Variants in VWDE observed in about 807,000 individuals in gnomAD.
The protein encoded by VWDE is von Willebrand factor D and EGF domains, also known as von Willebrand factor D and EGF domain-containing protein.
In VWDE, 207 loss-of-function variants were observed where a neutral mutation model predicts 178.4. That is an observed-to-expected ratio of 1.16 (90% confidence interval 1.04 to 1.30). VWDE has a LOEUF of 1.30. Among genes scored for constraint, VWDE ranks in the 50% most tolerant of loss-of-function variants. The probability of loss-of-function intolerance (pLI) is 0.00; values close to 1 mark genes in which losing one functional copy is unlikely to be tolerated. For synonymous variants in VWDE, 738 were observed against 651.4 expected (o/e 1.13, Z -2.02); for missense variants, 2,287 against 1,901.3 (o/e 1.20, Z -3.77).
chr7:12,395,971 C>A (rs1291593751), intron 1 of VWDE, among the ~76,000 whole-genome samples: 6 of 151,286 alleles, frequency 4.0e-5, no homozygotes, highest in Non-Finnish European at 5.9e-5. Flanking sequence ...GACAATATAA[C>A]TTTTCCCCTC....
intron 2 of VWDE, among the ~76,000 whole-genome samples, chr7:12,393,301 G>A (rs1235251676): frequency 6.6e-6 from 1 of 152,134 alleles, no homozygotes; most frequent in Non-Finnish European, 1.5e-5. Context: ...CTATGCCTAA[G>A]AATATATGTT....
chr7:12,403,656 TA>T lies in VWDE; in HGVS notation c.58+2del. 6.5e-7 allele frequency: 1 copy of T among 1,543,042 alleles called. No homozygotes were observed. On this transcript the variant is annotated splice_donor_variant, in intron 1 of 28. Coordinates refer to ENST00000275358, the MANE Select transcript of VWDE (RefSeq NM_001135924.3). LOFTEE classifies it high-confidence loss of function. ...CCACCCCCGCGCGCCCTACCTCGCT[TA>T]CCTTCCCCCCAGGCCAGGAACATCA...
At chr7:12,391,560 G>T (rs537817252) in intron 2 of VWDE, among the ~76,000 whole-genome samples, 2 of 152,172 alleles carry the variant, frequency 1.3e-5, no homozygotes, top group Non-Finnish European at 2.9e-5. Flanking sequence ...TTTAAATGTG[G>T]TGAAGTTCCT....
chr7:12,339,620 G>A (rs1175878427), intron 24 of VWDE, among the ~76,000 whole-genome samples: 3 of 152,006 alleles, frequency 2.0e-5, no homozygotes, highest in Non-Finnish European at 4.4e-5. Flanking sequence ...TCGTGGCAAG[G>A]AAAACCTAAA....
chr7:12,347,832 G>A lies in VWDE; in HGVS notation c.3887-3363C>T, dbSNP rs541579960. On this transcript the variant is annotated intron_variant, in intron 19 of 28. Transcript: ENST00000275358. ...TACCTGACTTCAAACTATACTACAAGGCTACAGTAACCAAAACAGCATGGC... is the reference window on the plus strand; with the variant it reads ...TACCTGACTTCAAACTATACTACAAAGCTACAGTAACCAAAACAGCATGGC... Among the ~76,000 whole-genome samples, 3 of 152,014 alleles carry A rather than the reference G, an allele frequency of 2.0e-5. No individual in the cohort carries two copies. The South Asian group carries it at 6.2e-4, about 32-fold the overall frequency.
chr7:12,338,097 T>A (rs988155498), intron 24 of VWDE, among the ~76,000 whole-genome samples: 26 of 152,082 alleles, frequency 1.7e-4, no homozygotes, highest in Non-Finnish European at 2.6e-4. Context: ...AGGACTAGTG[T>A]GGACTGACGC....
Position 12,380,616 on chromosome 7 carries a change from G to A in VWDE, c.659C>T (p.Ser220Leu). 2.6e-6 allele frequency: 4 copies of A among 1,552,268 alleles called. No homozygotes were observed. Among genetic ancestry groups the A allele is most frequent in the Non-Finnish European group, 3.5e-6 (4 of 1,147,152 alleles). ...CSFDVPATKN[S>L]VGFHIAWSRL... Reference sequence around the variant, plus strand: ...AGACCAAGCTATGTGAAATCCCACTGAGTTTTTTGTAGCGGGAACATCAAA... The same window carrying A: ...AGACCAAGCTATGTGAAATCCCACTAAGTTTTTTGTAGCGGGAACATCAAA... Residue 220 changes from serine (S) to leucine (L), a missense_variant, in exon 5 of 29, where the codon TCA (serine) becomes TTA (leucine). Ser to Leu is a moderately radical substitution (Grantham distance 145). Coordinates refer to ENST00000275358, the MANE Select transcript of VWDE (RefSeq NM_001135924.3).
In VWDE at chr7:12,369,798, C is replaced by G; in HGVS notation, c.2508G>C (p.Glu836Asp). 6.4e-7 allele frequency: 1 copy of G among 1,551,544 alleles called. No individual in the cohort carries two copies. Among genetic ancestry groups the G allele is most frequent in the East Asian group, 2.4e-5 (1 of 40,898 alleles). ...FLGKRLDSVIEMCVKDVLLKD... is the reference protein window; with the variant it reads ...FLGKRLDSVIDMCVKDVLLKD... The stretch of plus-strand genomic sequence containing the variant: ...TTAACAGAACATCCTTCACACACAT[C>G]TCTATAACACTGTCTAATCTCTTGC... The change falls in exon 12 of 29, where the codon GAG becomes GAC. Residue 836 changes from glutamate to aspartate, a missense_variant. Coordinates refer to ENST00000275358, the MANE Select transcript of VWDE (RefSeq NM_001135924.3).
At chr7:12,340,475 G>T in intron 23 of VWDE, 58 bp from the exon 24 acceptor site, 1 of 1,337,200 alleles carries the variant, frequency 7.5e-7, no homozygotes, top group Non-Finnish European at 1.0e-6. Context: ...AAAAATGAAA[G>T]CTGCACAGAA....
intron 1 of VWDE, among the ~76,000 whole-genome samples, chr7:12,394,454 T>C (rs185962420): frequency 2.0e-5 from 3 of 152,320 alleles, no homozygotes; most frequent in Admixed American, 2.0e-4. Context: ...TTAGTCTTTT[T>C]TAGGAAACCT....
intron 12 of VWDE, 21 bp from the exon 13 acceptor site, chr7:12,367,514 AAAT>A (rs1240938588): frequency 6.8e-7 from 1 of 1,474,520 alleles, no homozygotes; most frequent in Non-Finnish European, 9.0e-7. Flanking sequence ...AAAATATAAC[AAAT>A]ACTACATATT....
intron 11 of VWDE, 65 bp downstream of exon 11, chr7:12,370,591 G>C: frequency 1.3e-6 from 2 of 1,534,194 alleles, no homozygotes; most frequent in Non-Finnish European, 1.8e-6. Flanking sequence ...AAAGCAGAGT[G>C]TTGAGCCACC....
chr7:12,353,360 A>G (rs10262986), intron 18 of VWDE, among the ~76,000 whole-genome samples: 134,572 of 152,192 alleles, frequency 0.88, 59,582 homozygotes, highest in Admixed American at 0.92. Flanking sequence ...ATTTAACCTT[A>G]ATTACTTCCT....
At chr7:12,375,506 A>C (rs1375180899) in intron 7 of VWDE, among the ~76,000 whole-genome samples, 1 of 152,040 alleles carries the variant, frequency 6.6e-6, no homozygotes, top group East Asian at 1.9e-4. Flanking sequence ...AACTGAAGGA[A>C]ATTCAAAAAG....
intron 3 of VWDE, 49 bp downstream of exon 3, chr7:12,389,078 G>T: frequency 8.1e-7 from 1 of 1,236,538 alleles, no homozygotes; most frequent in Non-Finnish European, 1.2e-6. Context: ...TGGTACGAAT[G>T]GCAGAGTTCC....
At chr7:12,372,468 A>G (rs1783260111) in intron 10 of VWDE, among the ~76,000 whole-genome samples, 1 of 152,098 alleles carries the variant, frequency 6.6e-6, no homozygotes, top group South Asian at 2.1e-4. Flanking sequence ...CTATGACCTG[A>G]AAATACAAAT....
chr7:12,366,560 G>A (rs13247878), intron 13 of VWDE, among the ~76,000 whole-genome samples: 52,384 of 151,908 alleles, frequency 0.34, 10,616 homozygotes, highest in South Asian at 0.46. Flanking sequence ...TACTTAGAAA[G>A]CCTCCACCCA....
chr7:12,334,385 A>G (rs555091870), intron 27 of VWDE, among the ~76,000 whole-genome samples: 29 of 152,290 alleles, frequency 1.9e-4, no homozygotes, highest in Non-Finnish European at 4.0e-4. Context: ...TACTGCTTCA[A>G]TATCACATAC....
intron 16 of VWDE, among the ~76,000 whole-genome samples, chr7:12,358,373 C>A (rs555460469): frequency 6.8e-4 from 100 of 146,348 alleles, no homozygotes; most frequent in African/African-American, 8.2e-4. Context: ...GATTCTGTCT[C>A]AAAAAATAAA....
Sources: allele counts gnomAD v4.1 joint callset (sites outside exome capture counted in the v4.1 genomes callset), GRCh38; gene constraint gnomAD v4.1.1; transcripts MANE v1.5; gene names NCBI Gene and HGNC (gene_info 2026-07-23, HGNC 2026-07-21).